Variants in ASPRV1 observed in about 807,000 individuals in gnomAD.
The protein encoded by ASPRV1 is aspartic peptidase retroviral like 1.
A neutral mutation model predicts 11.0 loss-of-function variants in ASPRV1; 7 were observed. The observed-to-expected ratio is 0.64, with a 90% CI of 0.36 to 1.20. The LOEUF (loss-of-function observed/expected upper bound fraction) is 1.20, where lower values mean the gene tolerates loss of function less well. Among genes scored for constraint, ASPRV1 ranks in the 50% most tolerant of loss-of-function variants. The pLI is 0.02. For synonymous variants in ASPRV1, 136 were observed against 138.4 expected, an observed-to-expected ratio of 0.98 and a Z score of 0.12; for missense variants, 299 against 320.0, an observed-to-expected ratio of 0.93 and a Z score of 0.50.
chr2:70,008,516 C>T, the ASPRV1 span, among the ~76,000 whole-genome samples: 20 of 144,520 alleles, frequency 1.4e-4, no homozygotes, highest in Middle Eastern at 3.3e-3. Flanking sequence ...TGTGTCTTCA[C>T]GGCCTAGTCC....
At chr2:70,011,247 A>G in the ASPRV1 span, among the ~76,000 whole-genome samples, 2 of 152,158 alleles carry the variant, frequency 1.3e-5, no homozygotes, top group African/African-American at 4.8e-5. Context: ...AAACTTGCAC[A>G]TGTACCCCTG....
chr2:69,951,324 T>C, the ASPRV1 span, among the ~76,000 whole-genome samples: 1 of 149,326 alleles, frequency 6.7e-6, no homozygotes, highest in Non-Finnish European at 1.5e-5. Context: ...CTTGGGAGGC[T>C]GAGACAGGAG....
the ASPRV1 span, among the ~76,000 whole-genome samples, chr2:70,081,677 G>A: frequency 2.0e-4 from 30 of 151,802 alleles, 1 homozygote; most frequent in Middle Eastern, 3.4e-3. Context: ...TCCAACTCCC[G>A]GGCTCAAGTG....
chr2:70,031,033 G>A, the ASPRV1 span: 1 of 152,158 alleles, frequency 6.6e-6, no homozygotes. Context: ...CAGGGCACTA[G>A]GAGCATTTAG....
chr2:70,062,721 T>A, the ASPRV1 span, among the ~76,000 whole-genome samples: 1 of 152,118 alleles, frequency 6.6e-6, no homozygotes, highest in African/African-American at 2.4e-5. Flanking sequence ...GAGCTCAAGT[T>A]CAGTGCTGTA....
chr2:70,034,397 C>T, the ASPRV1 span, among the ~76,000 whole-genome samples: 1 of 151,340 alleles, frequency 6.6e-6, no homozygotes, highest in Non-Finnish European at 1.5e-5. Flanking sequence ...GGTGAAACCC[C>T]CGTCTCTACT....
the ASPRV1 span, among the ~76,000 whole-genome samples, chr2:70,080,665 G>A: frequency 1.3e-5 from 2 of 152,152 alleles, no homozygotes; most frequent in Admixed American, 6.6e-5. Flanking sequence ...GAGAATTATT[G>A]CTATAAAATA....
chr2:70,023,174 G>T, the ASPRV1 span, among the ~76,000 whole-genome samples: 2 of 152,172 alleles, frequency 1.3e-5, no homozygotes, highest in Non-Finnish European at 2.9e-5. Context: ...TGGTTTCACC[G>T]ACAACCCCTC....
chr2:70,081,767 T>G, the ASPRV1 span, among the ~76,000 whole-genome samples: 1 of 151,994 alleles, frequency 6.6e-6, no homozygotes, highest in Admixed American at 6.6e-5. Context: ...TATTTTTTTG[T>G]AGAGACAGGG....
the ASPRV1 span, among the ~76,000 whole-genome samples, chr2:70,038,157 T>C: frequency 5.9e-5 from 9 of 152,148 alleles, no homozygotes; most frequent in East Asian, 1.7e-3. Flanking sequence ...AGATAAGCAG[T>C]AAGTGCTACT....
the ASPRV1 span, chr2:69,937,192 A>G: frequency 5.6e-6 from 9 of 1,609,810 alleles, no homozygotes; most frequent in Non-Finnish European, 7.6e-6. Context: ...GCCCATTTAG[A>G]GATCTCCCTG....
the ASPRV1 span, among the ~76,000 whole-genome samples, chr2:70,065,413 A>G: frequency 6.8e-6 from 1 of 147,138 alleles, no homozygotes; most frequent in Non-Finnish European, 1.5e-5. Flanking sequence ...AAAAAAAAAA[A>G]GACAATATTC....
chr2:69,945,279 C>T, the ASPRV1 span, among the ~76,000 whole-genome samples: 59 of 152,324 alleles, frequency 3.9e-4, no homozygotes, highest in African/African-American at 1.3e-3. Flanking sequence ...GTAATCTGCA[C>T]ATGCACCCCC....
At chr2:69,976,754 GC>G in the ASPRV1 span, 1 of 152,086 alleles carries the variant, frequency 6.6e-6, no homozygotes, top group Non-Finnish European at 1.5e-5. Context: ...GCACAATACA[GC>G]CTCTCCACGC....
chr2:69,952,763 T>TC, the ASPRV1 span, among the ~76,000 whole-genome samples: 3 of 150,518 alleles, frequency 2.0e-5, no homozygotes, highest in South Asian at 2.1e-4. Flanking sequence ...ATGCCAATAG[T>TC]CCCCCCCATC....
At chr2:69,949,715 T>A in the ASPRV1 span, among the ~76,000 whole-genome samples, 2 of 152,318 alleles carry the variant, frequency 1.3e-5, no homozygotes, top group African/African-American at 4.8e-5. Context: ...GCATATTTAG[T>A]TTTACCCTGG....
At chr2:70,030,122 C>CA in the ASPRV1 span, 3 of 152,196 alleles carry the variant, frequency 2.0e-5, no homozygotes, top group Non-Finnish European at 2.9e-5. Flanking sequence ...TACTACAGCA[C>CA]AAAAGCCTTT....
In ASPRV1 at chr2:69,961,498, A is replaced by G; in HGVS notation, c.-62T>C. ...CGCCAAGAAGAGAAACCCACAGAGCAGTGTCGGCGCAATCACGCTGGAAAA... is the reference window on the plus strand; with the variant it reads ...CGCCAAGAAGAGAAACCCACAGAGCGGTGTCGGCGCAATCACGCTGGAAAA... On this transcript the variant is annotated 5_prime_UTR_variant, in exon 1 of 1. Transcript: ENST00000320256. 6.2e-7 allele frequency: 1 copy of G among 1,614,138 alleles called. No individual in the cohort carries two copies. The highest frequency in any genetic ancestry group is 8.5e-7 in the Non-Finnish European group (1 of 1,180,026).
chr2:69,972,394 G>A, the ASPRV1 span, among the ~76,000 whole-genome samples: 1 of 141,178 alleles, frequency 7.1e-6, no homozygotes, highest in East Asian at 2.1e-4. Context: ...GTCTTGCTCT[G>A]TCGCCCAGGC....
Sources: gnomAD v4.1 joint callset for allele counts (sites outside exome capture counted in the v4.1 genomes callset) on GRCh38, gnomAD v4.1.1 for gene constraint, MANE v1.5 for transcripts, NCBI Gene and HGNC (gene_info 2026-07-23, HGNC 2026-07-21) for gene names.